The following MMP20 variants were observed in gnomAD, a reference collection of about 807,000 sequenced individuals.
The protein encoded by MMP20 is matrix metallopeptidase 20, also known as matrix metalloproteinase-20.
Under a neutral mutation model 51.8 loss-of-function variants are expected in MMP20, and 50 were observed. The ratio of observed to expected loss-of-function variants is 0.97; its 90% confidence interval spans 0.77 to 1.22. The LOEUF (loss-of-function observed/expected upper bound fraction) is 1.22, where lower values mean the gene tolerates loss of function less well. Ranked by LOEUF, MMP20 falls within the 50% of genes most tolerant of loss-of-function variation. MMP20 has a pLI of 0.00. For missense variants in MMP20, 663 were observed against 601.4 expected (o/e 1.10, Z -1.07); for synonymous variants, 244 against 216.2 (o/e 1.13, Z -1.13).
intron 6 of MMP20, among the ~76,000 whole-genome samples, chr11:102,595,328 T>C (rs1368414121): frequency 6.6e-6 from 1 of 152,216 alleles, no homozygotes; most frequent in Non-Finnish European, 1.5e-5. Flanking sequence ...TCCCCTCTCC[T>C]TCGTTTATTT....
intron 8 of MMP20, among the ~76,000 whole-genome samples, chr11:102,589,784 T>C (rs2135931779): frequency 6.6e-6 from 1 of 152,320 alleles, no homozygotes; most frequent in South Asian, 2.1e-4. Context: ...AGTTTAGTCA[T>C]AAGTTTTTTA....
chr11:102,602,739 C>T (rs959274012), intron 6 of MMP20, among the ~76,000 whole-genome samples: 1 of 152,136 alleles, frequency 6.6e-6, no homozygotes, highest in South Asian at 2.1e-4. Context: ...AACCTTTATG[C>T]TTACTCTATT....
intron 1 of MMP20, 149 bp downstream of exon 1, chr11:102,625,045 G>A: frequency 1.0e-6 from 1 of 1,000,742 alleles, no homozygotes; most frequent in Non-Finnish European, 1.5e-6. Context: ...CAATCTAGGT[G>A]GACAGAAGAT....
At chr11:102,607,869 C>T (rs17098913) in intron 5 of MMP20, 13,180 of 152,062 alleles carry the variant, frequency 0.087, 726 homozygotes, top group Non-Finnish European at 0.13. Flanking sequence ...GCCACCAAGG[C>T]TCTGGAGCTG....
chr11:102,611,683 A>G, intron 3 of MMP20, 72 bp downstream of exon 3: 1 of 1,564,802 alleles, frequency 6.4e-7, no homozygotes, highest in Non-Finnish European at 8.7e-7. Flanking sequence ...CACTCGAATT[A>G]AAGATGTAGA....
intron 6 of MMP20, among the ~76,000 whole-genome samples, chr11:102,596,854 A>C (rs535411998): frequency 3.3e-5 from 5 of 152,126 alleles, no homozygotes; most frequent in African/African-American, 1.2e-4. Context: ...GGCCAGAGGG[A>C]CTGCTTCCCT....
chr11:102,617,130 G>C (rs1357198974), intron 1 of MMP20, 71 bp from the exon 2 acceptor site: 1 of 1,564,702 alleles, frequency 6.4e-7, no homozygotes, highest in East Asian at 2.2e-5. Flanking sequence ...GTAAGGCAGG[G>C]GACAGCATTC....
At chr11:102,624,535 G>C (rs1859794445) in intron 1 of MMP20, among the ~76,000 whole-genome samples, 1 of 151,590 alleles carries the variant, frequency 6.6e-6, no homozygotes, top group Non-Finnish European at 1.5e-5. Flanking sequence ...TCATAGAGGA[G>C]AGATCTCAAA....
chr11:102,581,500 T>C (rs11225332), intron 8 of MMP20, among the ~76,000 whole-genome samples: 58,543 of 151,998 alleles, frequency 0.39, 11,744 homozygotes, highest in South Asian at 0.47. Context: ...GGTGAGGATT[T>C]TACTGAGAGA....
At chr11:102,624,496 G>T (rs964889686) in intron 1 of MMP20, among the ~76,000 whole-genome samples, 4 of 147,530 alleles carry the variant, frequency 2.7e-5, no homozygotes, top group South Asian at 2.2e-4. Context: ...TTTGAATATG[G>T]ATCATTTCTA....
intron 6 of MMP20, among the ~76,000 whole-genome samples, chr11:102,606,309 T>C (rs1014077766): frequency 6.6e-6 from 1 of 152,198 alleles, no homozygotes; most frequent in Non-Finnish European, 1.5e-5. Context: ...TGTCCATATA[T>C]GGACATAACT....
rs1171316277 is a variant in MMP20 at position 102,599,191 on chromosome 11, A to AT, written c.954-4435dup. On this transcript the variant is annotated intron_variant, in intron 6 of 9. Transcript: ENST00000260228. The stretch of plus-strand genomic sequence containing the variant: ...CCACACCTGCCCAGCTAATTTTTGT[A>AT]TTTTTTTCAGTAGAGATGGGGTTTG... Among the ~76,000 whole-genome samples the AT allele has an allele frequency of 7.9e-5, 12 of 151,568 alleles. No individual in the cohort carries two copies. In the East Asian group the frequency reaches 1.9e-3, roughly 24 times the overall value.
chr11:102,616,040 A>C (rs781640910), intron 2 of MMP20, among the ~76,000 whole-genome samples: 3 of 152,126 alleles, frequency 2.0e-5, no homozygotes, highest in Non-Finnish European at 4.4e-5. Context: ...CCGTACCCTG[A>C]GCACAGCAGG....
intron 8 of MMP20, among the ~76,000 whole-genome samples, chr11:102,590,140 T>C (rs1400985645): frequency 1.3e-5 from 2 of 152,168 alleles, no homozygotes; most frequent in African/African-American, 4.8e-5. Flanking sequence ...CAGAAATCCC[T>C]TGATGTAGCC....
At chr11:102,585,463 C>T (rs557896759) in intron 8 of MMP20, among the ~76,000 whole-genome samples, 1 of 152,114 alleles carries the variant, frequency 6.6e-6, no homozygotes, top group African/African-American at 2.4e-5. Flanking sequence ...TTCCTTGCAA[C>T]CTTTCTGAAC....
chr11:102,594,084 A>T (rs1859351032), intron 7 of MMP20, among the ~76,000 whole-genome samples: 1 of 152,196 alleles, frequency 6.6e-6, no homozygotes, highest in African/African-American at 2.4e-5. Flanking sequence ...ATATTGCTAT[A>T]ATCACTTTGC....
At chr11:102,614,228 T>A (rs1859638831) in intron 2 of MMP20, among the ~76,000 whole-genome samples, 1 of 152,208 alleles carries the variant, frequency 6.6e-6, no homozygotes, top group South Asian at 2.1e-4. Flanking sequence ...ATAAGCACTA[T>A]GCTGTATTTT....
In MMP20 at chr11:102,584,909, G is replaced by A. The variant is rs556567370; in HGVS notation, c.1248-5767C>T. On this transcript the variant is annotated intron_variant, in intron 8 of 9. Transcript: ENST00000260228. The stretch of plus-strand genomic sequence containing the variant: ...TTTCTCCTTTGAATGACTTTATATC[G>A]TTGTCAAAAATCAGTTGCCCATAGA... Among the ~76,000 whole-genome samples the A allele has an allele frequency of 4.6e-5, 7 of 152,014 alleles. No homozygotes were observed. In the South Asian group the frequency reaches 1.0e-3, roughly 23 times the overall value.
intron 6 of MMP20, among the ~76,000 whole-genome samples, chr11:102,601,911 A>C (rs1416838942): frequency 1.3e-5 from 2 of 149,000 alleles, no homozygotes; most frequent in Non-Finnish European, 1.5e-5. Flanking sequence ...TCCAATTCCT[A>C]CTTGCATAAC....
Sources: gnomAD v4.1 joint callset for allele counts (sites outside exome capture counted in the v4.1 genomes callset) on GRCh38, gnomAD v4.1.1 for gene constraint, MANE v1.5 for transcripts, NCBI Gene and HGNC (gene_info 2026-07-23, HGNC 2026-07-21) for gene names.